The following SNHG17 variants were observed in gnomAD, a reference collection of about 807,000 sequenced individuals.
SNHG17 encodes small nucleolar RNA host gene 17 (non-protein coding).
At chr20:38,422,794 A>G (rs1003727354) in intron 5 of SNHG17, among the ~76,000 whole-genome samples, 2 of 152,064 alleles carry the variant, frequency 1.3e-5, no homozygotes, top group Non-Finnish European at 2.9e-5. Flanking sequence ...ATTCACCCTT[A>G]AAAAGAAGAC....
At chr20:38,433,373 G>A (rs528995752) in intron 2 of SNHG17, among the ~76,000 whole-genome samples, 6 of 152,276 alleles carry the variant, frequency 3.9e-5, no homozygotes, top group Non-Finnish European at 8.8e-5. Flanking sequence ...TGAGACAGGC[G>A]AAGTGGCTCA....
intron 2 of SNHG17, chr20:38,431,152 G>A (rs1441722766): frequency 3.3e-5 from 5 of 152,224 alleles, no homozygotes; most frequent in Non-Finnish European, 4.4e-5. Context: ...TGATGCACTT[G>A]GCACTGCTTA....
intron 5 of SNHG17, among the ~76,000 whole-genome samples, chr20:38,423,928 G>A (rs2084201350): frequency 1.3e-5 from 2 of 152,292 alleles, no homozygotes; most frequent in South Asian, 2.1e-4. Context: ...AGCACTTTGG[G>A]AGGCTGTCCC....
intron 5 of SNHG17, among the ~76,000 whole-genome samples, chr20:38,424,286 G>C (rs1445464637): frequency 3.9e-5 from 6 of 152,038 alleles, no homozygotes; most frequent in Admixed American, 3.9e-4. Flanking sequence ...GAACAGGTGG[G>C]GTGGGAGAGC....
At chr20:38,422,640 T>C (rs1326706342) in intron 5 of SNHG17, among the ~76,000 whole-genome samples, 2 of 152,056 alleles carry the variant, frequency 1.3e-5, no homozygotes, top group African/African-American at 2.4e-5. Context: ...TCACACCTCA[T>C]AAAGACATCT....
At chr20:38,427,041 G>T (rs956213913) in intron 3 of SNHG17, among the ~76,000 whole-genome samples, 1 of 140,266 alleles carries the variant, frequency 7.1e-6, no homozygotes, top group Admixed American at 6.9e-5. Context: ...CACGGGGTCA[G>T]CCCTGCTCAC....
intron 5 of SNHG17, among the ~76,000 whole-genome samples, chr20:38,424,912 T>C (rs753604662): frequency 9.2e-5 from 14 of 152,164 alleles, no homozygotes; most frequent in Non-Finnish European, 1.5e-4. Flanking sequence ...GGTAGATGCA[T>C]GTAACAATAG....
intron 2 of SNHG17, among the ~76,000 whole-genome samples, chr20:38,431,850 T>C (rs1302646749): frequency 6.6e-6 from 1 of 152,210 alleles, no homozygotes; most frequent in Non-Finnish European, 1.5e-5. Flanking sequence ...AATGTATTCA[T>C]GATGGCCCCA....
At chr20:38,424,200 A>C (rs2084206193) in intron 5 of SNHG17, among the ~76,000 whole-genome samples, 1 of 152,076 alleles carries the variant, frequency 6.6e-6, no homozygotes. Context: ...AAAAAGAAAA[A>C]AAGGATGCCA....
At chr20:38,429,412 G>C (rs538636297) in intron 3 of SNHG17, 1 of 206,258 alleles carries the variant, frequency 4.8e-6, no homozygotes, top group Non-Finnish European at 9.7e-6. Context: ...ATTTCCACAG[G>C]TTCAGCTTGG....
At chr20:38,428,589 C>T (rs146603940) in intron 3 of SNHG17, 10 of 152,374 alleles carry the variant, frequency 6.6e-5, no homozygotes, top group East Asian at 3.9e-4. Context: ...GAAATAGCAG[C>T]TTATCTCTAA....
At chr20:38,423,063 G>T (rs939580513) in intron 5 of SNHG17, among the ~76,000 whole-genome samples, 2 of 151,424 alleles carry the variant, frequency 1.3e-5, no homozygotes, top group Non-Finnish European at 1.5e-5. Context: ...CTGCACTCCA[G>T]CCTGGGCAAC....
At chr20:38,435,018 G>A in intron 1 of SNHG17, 2 of 1,230,490 alleles carry the variant, frequency 1.6e-6, no homozygotes, top group Non-Finnish European at 2.0e-6. Context: ...GGCCAAGGGC[G>A]CGACTCACCT....
chr20:38,434,969 G>C (rs1203282460), intron 1 of SNHG17: 1 of 1,228,928 alleles, frequency 8.1e-7, no homozygotes, highest in Non-Finnish European at 1.0e-6. Flanking sequence ...CGCGGACAGG[G>C]GGTCTGACGA....
intron 3 of SNHG17, among the ~76,000 whole-genome samples, chr20:38,430,506 A>G (rs907176884): frequency 1.3e-5 from 2 of 151,934 alleles, no homozygotes; most frequent in Non-Finnish European, 2.9e-5. Context: ...CTGTAATCCC[A>G]GCTACTCAGG....
intron 5 of SNHG17, among the ~76,000 whole-genome samples, chr20:38,423,104 A>C (rs961168973): frequency 1.3e-5 from 2 of 151,710 alleles, no homozygotes; most frequent in African/African-American, 2.4e-5. Flanking sequence ...AAAAAAAAAA[A>C]GAAGACCCTG....
chr20:38,425,151 C>T (rs777798201), intron 5 of SNHG17: 9 of 504,002 alleles, frequency 1.8e-5, no homozygotes, highest in Admixed American at 3.9e-5. Context: ...GGGTCTGGCA[C>T]GACAACCAGG....
chr20:38,427,013 C>T (rs2084260933), intron 3 of SNHG17, among the ~76,000 whole-genome samples: 1 of 142,278 alleles, frequency 7.0e-6, no homozygotes, highest in South Asian at 2.2e-4. Flanking sequence ...CACACACACA[C>T]ACACACACAC....
At position 38,433,119 on chromosome 20, in the gene SNHG17, C is replaced by A. The variant is rs886166747; in HGVS notation, n.308+1385G>T. Among the ~76,000 whole-genome samples the A allele has an allele frequency of 2.0e-5, 3 of 152,194 alleles. No homozygotes were observed. In the East Asian group the frequency reaches 5.8e-4, roughly 29 times the overall value. On this transcript the variant is annotated intron_variant and non_coding_transcript_variant, in intron 2 of 8. Transcript: ENST00000654008. ...CCTCCTGAGTAGCTGGAATTATAGG[C>A]GTGTGCCACCACACCTAGGTAATTT...
Sources: allele counts gnomAD v4.1 joint callset (sites outside exome capture counted in the v4.1 genomes callset), GRCh38; gene constraint gnomAD v4.1.1; transcripts MANE v1.5; gene names NCBI Gene and HGNC (gene_info 2026-07-23, HGNC 2026-07-21).